The following PARD3 variants were observed in gnomAD, a reference collection of about 807,000 sequenced individuals.
PARD3 encodes the protein partitioning defective 3 homolog.
PARD3 carries 75 observed loss-of-function variants against 155.4 expected under a neutral mutation model. The observed-to-expected ratio is 0.48, with a 90% CI of 0.40 to 0.58. PARD3 has a LOEUF of 0.58. Ranked by LOEUF, PARD3 falls within the 20% of genes least tolerant of loss-of-function variation. PARD3 has a pLI of 0.00. For missense variants in PARD3, 1,642 were observed against 1,721.7 expected, an observed-to-expected ratio of 0.95 and a Z score of 0.82; for synonymous variants, 576 against 610.5, an observed-to-expected ratio of 0.94 and a Z score of 0.83.
At chr10:34,462,203 A>C (rs73261471) in intron 4 of PARD3, among the ~76,000 whole-genome samples, 4 of 152,354 alleles carry the variant, frequency 2.6e-5, no homozygotes, top group African/African-American at 9.6e-5. Flanking sequence ...CCTTGAAACT[A>C]ATGCCGCAGA....
At chr10:34,705,891 A>G (rs576527922) in intron 1 of PARD3, among the ~76,000 whole-genome samples, 6 of 152,346 alleles carry the variant, frequency 3.9e-5, no homozygotes, top group Non-Finnish European at 7.3e-5. Context: ...CCTCAAGGAA[A>G]TAAGTTTCTG....
intron 24 of PARD3, among the ~76,000 whole-genome samples, chr10:34,116,629 C>T (rs1054061223): frequency 3.3e-5 from 5 of 152,210 alleles, no homozygotes; most frequent in African/African-American, 1.2e-4. Context: ...CAGGAAGATT[C>T]TCATTGATAA....
chr10:34,508,381 C>T (rs1438831263), intron 3 of PARD3, among the ~76,000 whole-genome samples: 2 of 152,134 alleles, frequency 1.3e-5, no homozygotes, highest in Non-Finnish European at 2.9e-5. Context: ...CACCATTCCT[C>T]GGGCTTACAT....
chr10:34,205,025 T>C (rs1027055156), intron 22 of PARD3, among the ~76,000 whole-genome samples: 8 of 152,138 alleles, frequency 5.3e-5, no homozygotes, highest in Admixed American at 5.2e-4. Flanking sequence ...CTATAGGGAG[T>C]AATTTGAGTC....
chr10:34,140,236 C>T, intron 22 of PARD3, among the ~76,000 whole-genome samples: 1 of 151,936 alleles, frequency 6.6e-6, no homozygotes, highest in Non-Finnish European at 1.5e-5. Flanking sequence ...GGTTCCTGCC[C>T]CTTGAAGTGT....
chr10:34,627,824 T>A (rs555231032), intron 2 of PARD3, among the ~76,000 whole-genome samples: 7 of 152,284 alleles, frequency 4.6e-5, no homozygotes, highest in Admixed American at 3.3e-4. Flanking sequence ...AGACCATACA[T>A]AAGCCCTCTG....
At chr10:34,661,190 T>C (rs1406301786) in intron 2 of PARD3, among the ~76,000 whole-genome samples, 11 of 152,142 alleles carry the variant, frequency 7.2e-5, no homozygotes, top group African/African-American at 2.7e-4. Flanking sequence ...CTCAGTTTTT[T>C]AAAAAAGTCA....
At chr10:34,312,419 C>T (rs764546980) in intron 20 of PARD3, 25 of 1,609,298 alleles carry the variant, frequency 1.6e-5, no homozygotes, top group Non-Finnish European at 2.1e-5. Context: ...ACAGTTAGTA[C>T]AGGTGAGGAA....
chr10:34,417,356 A>G (rs1845770827), intron 5 of PARD3, among the ~76,000 whole-genome samples: 1 of 152,206 alleles, frequency 6.6e-6, no homozygotes, highest in Admixed American at 6.5e-5. Context: ...AGAAAAGAAC[A>G]TGGATTACAC....
intron 1 of PARD3, among the ~76,000 whole-genome samples, chr10:34,733,021 G>C: frequency 6.6e-6 from 1 of 152,038 alleles, no homozygotes; most frequent in East Asian, 1.9e-4. Context: ...CCCTCTCTTT[G>C]AACTCCCTCT....
intron 22 of PARD3, among the ~76,000 whole-genome samples, chr10:34,187,751 T>C (rs987826699): frequency 6.6e-6 from 1 of 152,232 alleles, no homozygotes; most frequent in Admixed American, 6.5e-5. Context: ...TGAATGGAGA[T>C]CAGTAACACG....
rs2086109548 is a variant in PARD3 at position 34,568,159 on chromosome 10, AT to A, written c.223-51001del. ...ATCCACAGTTCTTAGTGAAAAGGGAATGAGTTTTAGGAACAGCCTTCCAAAA... is the reference window on the plus strand; with the variant it reads ...ATCCACAGTTCTTAGTGAAAAGGGAAGAGTTTTAGGAACAGCCTTCCAAAA... On this transcript the variant is annotated intron_variant, in intron 2 of 24. Coordinates refer to ENST00000374788, the MANE Select transcript of PARD3 (RefSeq NM_001184785.2). Among the ~76,000 whole-genome samples the A allele has an allele frequency of 2.6e-5, 4 of 152,216 alleles. No homozygotes were observed. In the South Asian group the frequency reaches 8.3e-4, roughly 32 times the overall value.
intron 16 of PARD3, among the ~76,000 whole-genome samples, chr10:34,340,678 G>A (rs571446761): frequency 7.1e-4 from 108 of 152,268 alleles, no homozygotes; most frequent in African/African-American, 2.6e-3. Flanking sequence ...AGTCAGGGAA[G>A]AGGATTGGGG....
chr10:34,342,093 T>C lies in PARD3; in HGVS notation c.2219-277A>G, dbSNP rs541398936. On this transcript the variant is annotated intron_variant, in intron 15 of 24. Coordinates refer to ENST00000374788, the MANE Select transcript of PARD3 (RefSeq NM_001184785.2). Reference sequence around the variant, plus strand: ...GTTTCCTAAAGCCAAAGATACTCTCTCAAATGTCTTATAATGTGAAAATGC... The same window carrying C: ...GTTTCCTAAAGCCAAAGATACTCTCCCAAATGTCTTATAATGTGAAAATGC... Among the ~76,000 whole-genome samples, 3 of 152,336 alleles carry C rather than the reference T, an allele frequency of 2.0e-5. No homozygotes were observed. In the East Asian group the frequency reaches 5.8e-4, roughly 29 times the overall value.
rs1164799496 is a variant in PARD3, at chr10:34,738,093, TTC to T, written c.121-41676_121-41675del. Among the ~76,000 whole-genome samples the T allele has an allele frequency of 3.3e-5, 5 of 152,330 alleles. No homozygotes were observed. In the East Asian group the frequency reaches 5.8e-4, roughly 18 times the overall value. On this transcript the variant is annotated intron_variant, in intron 1 of 24. Coordinates refer to ENST00000374788, the MANE Select transcript of PARD3 (RefSeq NM_001184785.2). ...CCTCGAATATTTTCTACTCTATTCT[TTC>T]TCTGTCTTTAAAGCCAATTTTAACC... is the stretch of plus-strand genomic sequence containing the variant.
intron 2 of PARD3, among the ~76,000 whole-genome samples, chr10:34,646,268 C>T (rs1050522502): frequency 2.0e-4 from 31 of 152,142 alleles, no homozygotes; most frequent in African/African-American, 7.2e-4. Flanking sequence ...ACATGAAAAA[C>T]AAACTCAACT....
At chr10:34,638,190 T>C (rs77812104) in intron 2 of PARD3, among the ~76,000 whole-genome samples, 323 of 152,272 alleles carry the variant, frequency 2.1e-3, no homozygotes, top group East Asian at 0.014. Flanking sequence ...AGGAAAGAAA[T>C]ACCTGAGATT....
intron 1 of PARD3, among the ~76,000 whole-genome samples, chr10:34,721,201 G>A (rs183406068): frequency 5.1e-4 from 78 of 152,234 alleles, no homozygotes; most frequent in African/African-American, 1.5e-3. Context: ...GCAATGTTAC[G>A]CTCCTTACAA....
chr10:34,640,144 G>A (rs890480441), intron 2 of PARD3, among the ~76,000 whole-genome samples: 6 of 152,190 alleles, frequency 3.9e-5, no homozygotes, highest in African/African-American at 1.4e-4. Flanking sequence ...CAATGAGGGT[G>A]GAGTGCACCA....
Sources: allele counts gnomAD v4.1 joint callset (sites outside exome capture counted in the v4.1 genomes callset), GRCh38; gene constraint gnomAD v4.1.1; transcripts MANE v1.5; gene names NCBI Gene and HGNC (gene_info 2026-07-23, HGNC 2026-07-21).